The following OPCML variants were observed in gnomAD, a reference collection of about 807,000 sequenced individuals.
OPCML encodes opioid binding protein/cell adhesion molecule like, also known as opioid-binding protein/cell adhesion molecule.
Under a neutral mutation model 37.8 loss-of-function variants are expected in OPCML, and 13 were observed. The ratio of observed to expected loss-of-function variants is 0.34; its 90% CI spans 0.22 to 0.55. The LOEUF is 0.55. OPCML is among the 20% of genes least tolerant of loss of function. The probability of loss-of-function intolerance (pLI) is 0.91; values close to 1 mark genes in which losing one functional copy is unlikely to be tolerated. For synonymous variants in OPCML, 176 were observed against 168.8 expected, an observed-to-expected ratio of 1.04 and a Z score of -0.33; for missense variants, 341 against 435.6, an observed-to-expected ratio of 0.78 and a Z score of 1.93.
chr11:132,439,672 C>A (rs1592175839), intron 4 of OPCML, among the ~76,000 whole-genome samples: 1 of 147,036 alleles, frequency 6.8e-6, no homozygotes, highest in South Asian at 2.2e-4. Flanking sequence ...TCAAACACAT[C>A]AAAATGACGT....
chr11:133,131,563 TG>T (rs1388640758), intron 1 of OPCML, among the ~76,000 whole-genome samples: 1 of 152,152 alleles, frequency 6.6e-6, no homozygotes, highest in African/African-American at 2.4e-5. Context: ...TCATTGCTGG[TG>T]GAAATGTAAA....
At chr11:132,527,663 T>C (rs2096312165) in intron 4 of OPCML, among the ~76,000 whole-genome samples, 1 of 152,148 alleles carries the variant, frequency 6.6e-6, no homozygotes, top group African/African-American at 2.4e-5. Flanking sequence ...CCAGTCTGTG[T>C]CTCCACCGAA....
At chr11:132,589,056 G>A (rs527431872) in intron 3 of OPCML, among the ~76,000 whole-genome samples, 12 of 152,196 alleles carry the variant, frequency 7.9e-5, no homozygotes, top group East Asian at 1.9e-4. Flanking sequence ...CATTTGATAC[G>A]CAATAAATAA....
intron 4 of OPCML, among the ~76,000 whole-genome samples, chr11:132,485,980 T>G (rs2096198535): frequency 6.6e-6 from 1 of 152,218 alleles, no homozygotes; most frequent in African/African-American, 2.4e-5. Flanking sequence ...TCCAAAGTGC[T>G]CACCCTGTTT....
intron 3 of OPCML, among the ~76,000 whole-genome samples, chr11:132,606,810 A>G (rs972564098): frequency 5.9e-5 from 9 of 152,248 alleles, no homozygotes; most frequent in African/African-American, 1.9e-4. Flanking sequence ...AAAAAATCCC[A>G]TGGACTTGGG....
chr11:133,339,133 A>G (rs546639444), intron 1 of OPCML, among the ~76,000 whole-genome samples: 22 of 152,330 alleles, frequency 1.4e-4, no homozygotes, highest in African/African-American at 5.3e-4. Context: ...TTATCTGTTT[A>G]TCTGTGATGT....
intron 1 of OPCML, among the ~76,000 whole-genome samples, chr11:133,526,075 G>A (rs1041918157): frequency 2.0e-5 from 3 of 152,218 alleles, no homozygotes; most frequent in Admixed American, 2.0e-4. Flanking sequence ...CGAACCAAGA[G>A]GTCTGGGGTG....
chr11:132,770,650 A>C (rs979361443), intron 2 of OPCML, among the ~76,000 whole-genome samples: 10 of 152,110 alleles, frequency 6.6e-5, no homozygotes, highest in African/African-American at 2.4e-4. Flanking sequence ...CTCCCCCTGG[A>C]GCTGCTAAGC....
At chr11:133,469,179 AAT>A in intron 1 of OPCML, among the ~76,000 whole-genome samples, 1 of 152,318 alleles carries the variant, frequency 6.6e-6, no homozygotes, top group South Asian at 2.1e-4. Flanking sequence ...AATGACATGA[AAT>A]AGCTAAATTT....
chr11:133,148,331 C>T (rs1458483502), intron 1 of OPCML, among the ~76,000 whole-genome samples: 5 of 152,206 alleles, frequency 3.3e-5, no homozygotes, highest in South Asian at 2.1e-4. Context: ...GTACTGAGAG[C>T]TCACAGCCAG....
At chr11:132,921,896 T>C (rs968043174) in intron 2 of OPCML, among the ~76,000 whole-genome samples, 6 of 152,114 alleles carry the variant, frequency 3.9e-5, no homozygotes, top group Non-Finnish European at 5.9e-5. Flanking sequence ...CCTTTTTTTT[T>C]TGAGACAGAG....
intron 2 of OPCML, among the ~76,000 whole-genome samples, chr11:132,924,783 C>T (rs1432856995): frequency 6.6e-6 from 1 of 152,174 alleles, no homozygotes; most frequent in African/African-American, 2.4e-5. Context: ...GTTCTCTGAG[C>T]ATTCCTGGAT....
Position 133,043,699 on chromosome 11 carries a change from T to A in OPCML, c.62-100689A>T, listed in dbSNP as rs571976168. 2.6e-5 allele frequency among the ~76,000 whole-genome samples: 4 copies of A among 152,136 alleles called. No individual in the cohort carries two copies. The South Asian group carries it at 8.3e-4, about 32-fold the overall frequency. On this transcript the variant is annotated intron_variant, in intron 1 of 7. Transcript: ENST00000524381. ...ATCCACTGATGCTCCCAATTGTGAG[T>A]GATTGCGTGCGGTTACTTTTATGTG...
chr11:133,428,014 T>A (rs1203068661), intron 1 of OPCML, among the ~76,000 whole-genome samples: 1 of 152,112 alleles, frequency 6.6e-6, no homozygotes, highest in Non-Finnish European at 1.5e-5. Flanking sequence ...AACACCAAGA[T>A]GAAAACTATG....
intron 2 of OPCML, among the ~76,000 whole-genome samples, chr11:132,929,263 G>T (rs1945109607): frequency 6.6e-6 from 1 of 151,904 alleles, no homozygotes; most frequent in Non-Finnish European, 1.5e-5. Context: ...AAAGGTCATG[G>T]TATAACTAAA....
intron 2 of OPCML, among the ~76,000 whole-genome samples, chr11:132,912,864 T>G: frequency 6.6e-6 from 1 of 152,222 alleles, no homozygotes; most frequent in East Asian, 1.9e-4. Flanking sequence ...ATGCCAGATC[T>G]TCCATGGGGA....
intron 2 of OPCML, among the ~76,000 whole-genome samples, chr11:132,922,070 G>T (rs7946237): frequency 0.24 from 35,734 of 151,754 alleles, 6,852 homozygotes; most frequent in African/African-American, 0.52. Flanking sequence ...AGTAGAGACG[G>T]GGTTTCACCA....
At chr11:133,250,339 C>T (rs1385538943) in intron 1 of OPCML, among the ~76,000 whole-genome samples, 3 of 151,316 alleles carry the variant, frequency 2.0e-5, no homozygotes, top group African/African-American at 7.3e-5. Flanking sequence ...AACTATCAAT[C>T]CAGGTGTGGG....
At chr11:132,862,373 T>C (rs912533583) in intron 2 of OPCML, among the ~76,000 whole-genome samples, 4 of 151,952 alleles carry the variant, frequency 2.6e-5, no homozygotes. Flanking sequence ...CAATGTACAG[T>C]ATCTGGATTT....
Sources: gnomAD v4.1 joint callset for allele counts (sites outside exome capture counted in the v4.1 genomes callset) on GRCh38, gnomAD v4.1.1 for gene constraint, MANE v1.5 for transcripts, NCBI Gene and HGNC (gene_info 2026-07-23, HGNC 2026-07-21) for gene names.